OLFM3: variants seen among roughly 807,000 people sequenced by gnomAD.
The protein encoded by OLFM3 is olfactomedin 3.
In OLFM3, 20 loss-of-function variants were observed where a neutral mutation model predicts 48.6. The ratio of observed to expected loss-of-function variants is 0.41; its 90% CI spans 0.29 to 0.60. OLFM3 has a LOEUF of 0.60. Ranked by LOEUF, OLFM3 falls within the 20% of genes least tolerant of loss-of-function variation. OLFM3 has a pLI of 0.28. For missense variants in OLFM3, 437 were observed against 544.3 expected, an observed-to-expected ratio of 0.80 and a Z score of 1.96; for synonymous variants, 222 against 198.1, an observed-to-expected ratio of 1.12 and a Z score of -1.01.
chr1:101,964,743 T>C (rs982740698), intron 1 of OLFM3, among the ~76,000 whole-genome samples: 5 of 152,234 alleles, frequency 3.3e-5, no homozygotes, highest in Non-Finnish European at 7.4e-5. Flanking sequence ...CATTTAATTC[T>C]GAGTTAAAGA....
At chr1:101,821,076 C>T (rs554772907) in intron 4 of OLFM3, among the ~76,000 whole-genome samples, 5 of 152,108 alleles carry the variant, frequency 3.3e-5, no homozygotes, top group South Asian at 4.1e-4. Context: ...TTTCTCTACC[C>T]TTTCTGTTAA....
chr1:101,845,832 T>C (rs936374349), intron 1 of OLFM3, among the ~76,000 whole-genome samples: 7 of 152,146 alleles, frequency 4.6e-5, no homozygotes, highest in African/African-American at 1.7e-4. Context: ...TTATTTAACT[T>C]TTTGGTCAGA....
chr1:101,941,464 A>G (rs1659793433), intron 1 of OLFM3, among the ~76,000 whole-genome samples: 1 of 152,078 alleles, frequency 6.6e-6, no homozygotes, highest in South Asian at 2.1e-4. Flanking sequence ...TTATAGTTAT[A>G]TTCTTTGCGG....
intron 1 of OLFM3, among the ~76,000 whole-genome samples, chr1:101,939,088 TA>T (rs560497956): frequency 3.5e-4 from 53 of 152,212 alleles, no homozygotes; most frequent in African/African-American, 1.2e-3. Flanking sequence ...AAAAAATCCA[TA>T]AAAAACATTC....
At chr1:101,885,371 A>G (rs1657708236) in intron 1 of OLFM3, among the ~76,000 whole-genome samples, 2 of 152,076 alleles carry the variant, frequency 1.3e-5, no homozygotes, top group South Asian at 4.1e-4. Context: ...CCCTTCTATG[A>G]TACGAGCACT....
At chr1:101,896,011 A>G (rs1009099113) in intron 1 of OLFM3, among the ~76,000 whole-genome samples, 3 of 150,770 alleles carry the variant, frequency 2.0e-5, no homozygotes, top group African/African-American at 4.9e-5. Context: ...TAATAAAAGT[A>G]TGCATAGTAT....
intron 1 of OLFM3, among the ~76,000 whole-genome samples, chr1:101,885,036 C>G (rs1164573549): frequency 6.6e-6 from 1 of 151,998 alleles, no homozygotes; most frequent in East Asian, 1.9e-4. Context: ...TTGAAGATGT[C>G]ATTGTTCTTA....
At chr1:101,870,202 T>A (rs1382333487) in intron 1 of OLFM3, among the ~76,000 whole-genome samples, 2 of 152,140 alleles carry the variant, frequency 1.3e-5, no homozygotes, top group Admixed American at 1.3e-4. Flanking sequence ...CTTCCCCCTA[T>A]AATGTGGATA....
intron 4 of OLFM3, among the ~76,000 whole-genome samples, chr1:101,807,705 A>C (rs1306843520): frequency 6.6e-6 from 1 of 151,810 alleles, no homozygotes; most frequent in Non-Finnish European, 1.5e-5. Context: ...ACTTGAATCG[A>C]ATATATTTTT....
At chr1:101,913,346 A>T (rs1238753859) in intron 1 of OLFM3, among the ~76,000 whole-genome samples, 1 of 152,200 alleles carries the variant, frequency 6.6e-6, no homozygotes, top group Non-Finnish European at 1.5e-5. Context: ...CTCAACAGAC[A>T]AGAGGCTAAG....
At position 101,830,827 on chromosome 1, in the gene OLFM3, C is replaced by T; in HGVS notation, c.217G>A (p.Val73Ile). 1 of 1,612,464 alleles carries T rather than the reference C, an allele frequency of 6.2e-7. No homozygotes were observed. Residue 73 changes from valine to isoleucine, a missense_variant and splice_region_variant, in exon 3 of 6, where the codon GTT (valine) becomes ATT (isoleucine). Coordinates refer to ENST00000370103, the MANE Select transcript of OLFM3 (RefSeq NM_058170.4). ...TCAATAGACTGGGACATGTTCTGAA[C>T]CTGTTGAACAAGAATATTGTCTGTA... is the stretch of plus-strand genomic sequence containing the variant. ...SRQLRQLLEK[V>I]QNMSQSIEVL...
At chr1:101,893,860 C>A in intron 1 of OLFM3, 1 of 153,746 alleles carries the variant, frequency 6.5e-6, no homozygotes, top group Non-Finnish European at 1.5e-5. Flanking sequence ...TGGAAAAACT[C>A]CTACAAAAGA....
chr1:101,959,649 T>C lies in OLFM3; in HGVS notation c.69+37099A>G, dbSNP rs969032056. Among the ~76,000 whole-genome samples, 19 of 152,254 alleles carry C rather than the reference T, an allele frequency of 1.2e-4. 1 individual carries two copies. Among genetic ancestry groups the C allele is most frequent in the Admixed American group, 1.2e-3 (19 of 15,290 alleles). ...GGGTTGCAATACTGAAATTAGACTT[T>C]TAAAAAGGCTGCAGGGCAAGACAGA... On this transcript the variant is annotated intron_variant, in intron 1 of 5. Coordinates refer to ENST00000370103, the MANE Select transcript of OLFM3 (RefSeq NM_058170.4).
intron 1 of OLFM3, among the ~76,000 whole-genome samples, chr1:101,884,795 C>G (rs1272590556): frequency 6.6e-6 from 1 of 151,936 alleles, no homozygotes; most frequent in African/African-American, 2.4e-5. Flanking sequence ...AAGGGCTTGC[C>G]TTTTAAAGTT....
intron 1 of OLFM3, among the ~76,000 whole-genome samples, chr1:101,913,453 A>C (rs1424693560): frequency 6.6e-6 from 1 of 152,176 alleles, no homozygotes; most frequent in Non-Finnish European, 1.5e-5. Flanking sequence ...AAAGACATGA[A>C]CTTCAAATAA....
intron 1 of OLFM3, among the ~76,000 whole-genome samples, chr1:101,857,385 A>C (rs985533624): frequency 6.6e-6 from 1 of 151,994 alleles, no homozygotes; most frequent in African/African-American, 2.4e-5. Flanking sequence ...TTATTCAACA[A>C]GTAATTTGGA....
intron 1 of OLFM3, among the ~76,000 whole-genome samples, chr1:101,957,476 C>T (rs1660332960): frequency 6.6e-6 from 1 of 151,864 alleles, no homozygotes; most frequent in African/African-American, 2.4e-5. Context: ...ATTTGGAAGG[C>T]AAAATCAAGA....
intron 1 of OLFM3, among the ~76,000 whole-genome samples, chr1:101,950,549 C>G (rs895242069): frequency 6.6e-6 from 1 of 151,922 alleles, no homozygotes; most frequent in African/African-American, 2.4e-5. Context: ...CGCCATTCTC[C>G]TGCCTCAGCC....
At chr1:101,915,299 A>G (rs965409464) in intron 1 of OLFM3, among the ~76,000 whole-genome samples, 3 of 152,082 alleles carry the variant, frequency 2.0e-5, no homozygotes, top group Non-Finnish European at 4.4e-5. Flanking sequence ...AATAATATAC[A>G]CTTCTGCTTT....
Sources: allele counts gnomAD v4.1 joint callset (sites outside exome capture counted in the v4.1 genomes callset), GRCh38; gene constraint gnomAD v4.1.1; transcripts MANE v1.5; gene names NCBI Gene and HGNC (gene_info 2026-07-23, HGNC 2026-07-21).